Variants in IL22RA1 observed in about 807,000 individuals in gnomAD.
The protein encoded by IL22RA1 is interleukin 22 receptor subunit alpha 1, also known as interleukin-22 receptor subunit alpha-1.
IL22RA1 carries 25 observed loss-of-function variants against 32.8 expected under a neutral mutation model. The ratio of observed to expected loss-of-function variants is 0.76; its 90% confidence interval spans 0.55 to 1.06. IL22RA1 has a LOEUF of 1.06. Among genes scored for constraint, IL22RA1 ranks in the 50% least tolerant of loss-of-function variants. The probability of loss-of-function intolerance (pLI) is 0.00; values close to 1 mark genes in which losing one functional copy is unlikely to be tolerated. For synonymous variants in IL22RA1, 305 were observed against 305.0 expected, an observed-to-expected ratio of 1.00 and a Z score of 0.00; for missense variants, 709 against 727.4, an observed-to-expected ratio of 0.97 and a Z score of 0.29.
chr1:24,125,808 T>A (rs373158335), intron 5 of IL22RA1, among the ~76,000 whole-genome samples: 3 of 152,202 alleles, frequency 2.0e-5, no homozygotes, highest in African/African-American at 7.2e-5. Context: ...AAATAATATA[T>A]GTAAAGCATT....
intron 2 of IL22RA1, 113 bp downstream of exon 2, chr1:24,138,469 A>G (rs1024595848): frequency 2.7e-6 from 3 of 1,130,194 alleles, no homozygotes; most frequent in African/African-American, 3.1e-5. Context: ...GGGAGGGGCT[A>G]TGTGACACCA....
rs1185000501 is a variant in IL22RA1 at position 24,120,595 on chromosome 1, C to A, written c.*210G>T. ...TCTACACAAGCTGCTCCCCAGAGCT[C>A]CCCCGCTGCAGTCCTTATCATGCTG... is the stretch of plus-strand genomic sequence containing the variant. On this transcript the variant is annotated 3_prime_UTR_variant, in exon 7 of 7. Transcript: ENST00000270800. The A allele has an allele frequency of 7.4e-5, 40 of 537,214 alleles. No individual in the cohort carries two copies. Among genetic ancestry groups the A allele is most frequent in the Non-Finnish European group, 1.2e-4 (38 of 305,042 alleles). The allele number at this position is 537,214 out of a possible 1,614,324, so 33.3% of individuals were successfully genotyped here.
At position 24,121,099 on chromosome 1, in the gene IL22RA1, G is replaced by T. The variant is rs760465535; in HGVS notation, c.1431C>A (p.Asp477Glu). The T allele has an allele frequency of 6.2e-7, 1 of 1,614,194 alleles. No homozygotes were observed. The highest frequency in any genetic ancestry group is 1.7e-5 in the Admixed American group (1 of 60,030). The change falls in exon 7 of 7, where the codon GAC becomes GAA. Residue 477 changes from aspartate (D) to glutamate (E), a missense_variant. Coordinates refer to ENST00000270800, the MANE Select transcript of IL22RA1 (RefSeq NM_021258.4). ...PLGICTDRTS[D>E]PNVLHSGEEG... ...CCTCCCCACTGTGTAGCACATTTGG[G>T]TCAGATGTTCTGTCTGTGCAAATCC...
chr1:24,133,649 T>C (rs1472057100), intron 4 of IL22RA1, among the ~76,000 whole-genome samples: 1 of 152,210 alleles, frequency 6.6e-6, no homozygotes, highest in African/African-American at 2.4e-5. Context: ...AAATTGATTC[T>C]AGCATTTTCT....
chr1:24,122,561 C>T (rs372607711), intron 6 of IL22RA1, among the ~76,000 whole-genome samples: 5 of 152,004 alleles, frequency 3.3e-5, no homozygotes, highest in East Asian at 1.9e-4. Flanking sequence ...TTTGGGAGGC[C>T]GAGGTGGGTA....
Position 24,137,100 on chromosome 1 carries a change from T to A in IL22RA1, c.355+31A>T, listed in dbSNP as rs745953437. 11 of 1,591,744 alleles carry A rather than the reference T, an allele frequency of 6.9e-6. No homozygotes were observed. The South Asian group carries it at 1.2e-4, about 18-fold the overall frequency. On this transcript the variant is annotated intron_variant, in intron 3 of 6. Coordinates refer to ENST00000270800, the MANE Select transcript of IL22RA1 (RefSeq NM_021258.4). ...CAAACACCTGCGCTTTCCTCTTCCCTCCCCTGAAACCCACAGGGGCTCCAA... is the reference window on the plus strand; with the variant it reads ...CAAACACCTGCGCTTTCCTCTTCCCACCCCTGAAACCCACAGGGGCTCCAA...
chr1:24,120,599 C>A lies in IL22RA1; in HGVS notation c.*206G>T, dbSNP rs575411350. 5.5e-6 allele frequency: 3 copies of A among 544,202 alleles called. No individual in the cohort carries two copies. Among genetic ancestry groups the A allele is most frequent in the Non-Finnish European group, 9.7e-6 (3 of 309,298 alleles). The allele number at this position is 544,202 out of a possible 1,614,324, so 33.7% of individuals were successfully genotyped here. ...CACAAGCTGCTCCCCAGAGCTCCCC[C>A]GCTGCAGTCCTTATCATGCTGCTTT... On this transcript the variant is annotated 3_prime_UTR_variant, in exon 7 of 7. Transcript: ENST00000270800.
At chr1:24,137,375 T>C (rs1644249765) in intron 2 of IL22RA1, 66 bp from the exon 3 acceptor site, 28 of 1,442,798 alleles carry the variant, frequency 1.9e-5, no homozygotes, top group Non-Finnish European at 2.3e-5. Context: ...CTGTGGCTTA[T>C]TAATAATGCC....
rs148678373 is a variant in IL22RA1, at chr1:24,121,211, C to G, written c.1319G>C (p.Cys440Ser). The G allele has an allele frequency of 6.2e-7, 1 of 1,614,248 alleles. No individual in the cohort carries two copies. ...CTGCAGAGAAAGGCCACCTAACATGCAGCTTCCAGCTGGTGGCTCTTTCTG... is the reference window on the plus strand; with the variant it reads ...CTGCAGAGAAAGGCCACCTAACATGGAGCTTCCAGCTGGTGGCTCTTTCTG... ...QLQKEPPAGSCMLGGLSLQEV... is the reference protein window; with the variant it reads ...QLQKEPPAGSSMLGGLSLQEV... The change falls in exon 7 of 7, where the codon TGC becomes TCC. Residue 440 changes from cysteine (C) to serine (S), a missense_variant. Coordinates refer to ENST00000270800, the MANE Select transcript of IL22RA1 (RefSeq NM_021258.4).
rs1333150370 is a variant in IL22RA1 at position 24,128,166 on chromosome 1, G to A, written c.645C>T (p.Tyr215=). ...CTGGCAGTGTCTTCACTCGGCACAT[G>A]TAGGGGGCACTCTCCTTGGCCCAGG... ...VPTWAKESAP[Y]MCRVKTLPDR... Residue 215 remains tyrosine (Y), a synonymous_variant, in exon 5 of 7, where the codon TAC becomes TAT. Transcript: ENST00000270800. 1.3e-6 allele frequency: 2 copies of A among 1,575,196 alleles called. No individual in the cohort carries two copies. Among genetic ancestry groups the A allele is most frequent in the Admixed American group, 3.5e-5 (2 of 56,808 alleles).
chr1:24,141,331 T>C lies in IL22RA1; in HGVS notation c.43+1709A>G, dbSNP rs565002320. Among the ~76,000 whole-genome samples, 11 of 152,232 alleles carry C rather than the reference T, an allele frequency of 7.2e-5. No individual in the cohort carries two copies. In the East Asian group the frequency reaches 2.1e-3, roughly 29 times the overall value. On this transcript the variant is annotated intron_variant, in intron 1 of 6. Coordinates refer to ENST00000270800, the MANE Select transcript of IL22RA1 (RefSeq NM_021258.4). ...AAAGGAGTCCAGTCAAGGTCAGACC[T>C]GAACAGTGGCTTCTGGTTGGGTGGT... is the stretch of plus-strand genomic sequence containing the variant.
intron 4 of IL22RA1, among the ~76,000 whole-genome samples, chr1:24,132,876 G>C (rs1307211226): frequency 6.6e-6 from 1 of 151,416 alleles, no homozygotes; most frequent in Non-Finnish European, 1.5e-5. Context: ...TTTTCTCTCT[G>C]ATCATGGTGG....
intron 3 of IL22RA1, among the ~76,000 whole-genome samples, chr1:24,135,742 G>A (rs1003380543): frequency 6.6e-6 from 1 of 152,122 alleles, no homozygotes; most frequent in Admixed American, 6.5e-5. Flanking sequence ...AAGCAAAGGG[G>A]GAAGCCCCTT....
chr1:24,141,002 C>T (rs972127875), intron 1 of IL22RA1, among the ~76,000 whole-genome samples: 2 of 152,194 alleles, frequency 1.3e-5, no homozygotes, highest in South Asian at 2.1e-4. Context: ...TGGCGAGGAC[C>T]GATGGGGACG....
intron 4 of IL22RA1, among the ~76,000 whole-genome samples, chr1:24,129,930 C>G (rs976325327): frequency 6.6e-6 from 1 of 152,178 alleles, no homozygotes; most frequent in African/African-American, 2.4e-5. Flanking sequence ...GACCTCCATC[C>G]TGGTTCAGGC....
intron 3 of IL22RA1, chr1:24,134,789 T>C: frequency 1.1e-6 from 1 of 939,624 alleles, no homozygotes; most frequent in Non-Finnish European, 1.3e-6. Context: ...TCCTAAATAA[T>C]GTTTGGGGCC....
chr1:24,131,911 C>T (rs1409521446), intron 4 of IL22RA1, among the ~76,000 whole-genome samples: 1 of 152,138 alleles, frequency 6.6e-6, no homozygotes, highest in Non-Finnish European at 1.5e-5. Flanking sequence ...AATCATACAG[C>T]GTGTGTTCTC....
In IL22RA1 at chr1:24,123,337, A is replaced by G. The variant is rs769969480; in HGVS notation, c.757T>C (p.Tyr253His). The change falls in exon 6 of 7, where the codon TAT becomes CAT. Residue 253 changes from tyrosine (Y) to histidine (H), a missense_variant. Tyr to His is a moderately conservative substitution (Grantham distance 83). Transcript: ENST00000270800. The stretch of plus-strand genomic sequence containing the variant: ...GGAGGTGCAGGCGGCTTGGTGACAT[A>G]TCTGTAGCTCAGGTAGCAGAGTACT... ...VAVLCYLSYR[Y>H]VTKPPAPPNS... The G allele has an allele frequency of 1.2e-6, 2 of 1,614,144 alleles. No homozygotes were observed. The highest frequency in any genetic ancestry group is 2.2e-5 in the South Asian group (2 of 91,084).
chr1:24,142,915 T>C, intron 1 of IL22RA1, 125 bp downstream of exon 1: 2 of 919,820 alleles, frequency 2.2e-6, no homozygotes, highest in Non-Finnish European at 3.5e-6. Context: ...GGCACCCTGC[T>C]CAGCCCTAGC....
Sources: allele counts gnomAD v4.1 joint callset (sites outside exome capture counted in the v4.1 genomes callset), GRCh38; gene constraint gnomAD v4.1.1; transcripts MANE v1.5; gene names NCBI Gene and HGNC (gene_info 2026-07-23, HGNC 2026-07-21).